MMAB: variants seen among roughly 807,000 people sequenced by gnomAD.
MMAB encodes corrinoid adenosyltransferase MMAB.
A neutral mutation model predicts 30.6 loss-of-function variants in MMAB; 17 were observed. That is an observed-to-expected ratio of 0.56 (90% CI 0.38 to 0.83). The LOEUF is 0.83. Among genes scored for constraint, MMAB ranks in the 40% least tolerant of loss-of-function variants. The pLI is 0.00. For missense variants in MMAB, 311 were observed against 331.6 expected, an observed-to-expected ratio of 0.94 and a Z score of 0.48; for synonymous variants, 134 against 138.6, an observed-to-expected ratio of 0.97 and a Z score of 0.23.
At chr12:109,564,423 G>C (rs1013207811) in intron 4 of MMAB, among the ~76,000 whole-genome samples, 2 of 141,180 alleles carry the variant, frequency 1.4e-5, no homozygotes, top group African/African-American at 5.3e-5. Context: ...CCACTCTGTT[G>C]CCCAGGCTAC....
At position 109,573,457 on chromosome 12, in the gene MMAB, G is replaced by C; in HGVS notation, c.24C>G (p.Ser8Arg). 1 of 1,606,504 alleles carries C rather than the reference G, an allele frequency of 6.2e-7. No individual in the cohort carries two copies. The highest frequency in any genetic ancestry group is 1.7e-4 in the Middle Eastern group (1 of 5,736). Residue 8 changes from serine (S) to arginine (R), a missense_variant, in exon 1 of 9, where the codon AGC becomes AGG. Transcript: ENST00000545712. Reference sequence around the variant, plus strand: ...CAAGACGGCTCCCCAGGCCAAGACGGCTCCCCAGGCCGCACACAGCCATGA... The same window carrying C: ...CAAGACGGCTCCCCAGGCCAAGACGCCTCCCCAGGCCGCACACAGCCATGA... MAVCGLG[S>R]RLGLGSRLGL...
At chr12:109,566,479 A>G (rs1278083388) in intron 3 of MMAB, among the ~76,000 whole-genome samples, 1 of 152,230 alleles carries the variant, frequency 6.6e-6, no homozygotes, top group East Asian at 1.9e-4. Flanking sequence ...GTCTGTCTCC[A>G]TCATAGCGGA....
In MMAB at chr12:109,553,908, G is replaced by A. The variant is rs145964376; in HGVS notation, c.*3120C>T. The A allele has an allele frequency of 1.4e-4, 64 of 454,046 alleles. No individual in the cohort carries two copies. The highest frequency in any genetic ancestry group is 1.1e-3 in the African/African-American group (56 of 50,100). 28.1% of individuals were successfully genotyped at this position (454,046 alleles called of 1,614,324 possible). A position where few individuals can be genotyped will look rare whatever the true frequency, so the allele number is the denominator to read the frequency against. On this transcript the variant is annotated 3_prime_UTR_variant, in exon 9 of 9. Transcript: ENST00000545712. ...TGACGGGGGCTTCCGAACTGGGGAC[G>A]TTTGTCATTGGGATGTGTTACAAGT...
In MMAB at chr12:109,556,648, T is replaced by TCTCTCACACACACACACACA. The variant is rs1555273916; in HGVS notation, c.*379_*380insTGTGTGTGTGTGTGTGAGAG. The TCTCTCACACACACACACACA allele has an allele frequency of 1.0e-4, 34 of 328,374 alleles. No homozygotes were observed. The highest frequency in any genetic ancestry group is 9.1e-4 in the African/African-American group (31 of 34,040). 20.3% of individuals were successfully genotyped at this position (328,374 alleles called of 1,614,324 possible). On this transcript the variant is annotated 3_prime_UTR_variant, in exon 9 of 9. Transcript: ENST00000545712. ...GAGCTGGCAGTGGGAGGGCTCTCTC[T>TCTCTCACACACACACACACA]CACACACACACACACACACACACAC...
intron 7 of MMAB, 110 bp downstream of exon 7, chr12:109,560,930 G>C: frequency 9.5e-7 from 1 of 1,056,398 alleles, no homozygotes. Context: ...CCGCTGTGCA[G>C]AGGCCCCTCT....
chr12:109,561,972 G>A lies in MMAB; in HGVS notation c.349-120C>T, dbSNP rs930740310. On this transcript the variant is annotated intron_variant, in intron 4 of 8. Coordinates refer to ENST00000545712, the MANE Select transcript of MMAB (RefSeq NM_052845.4). This position sits in a 1 kb window ranked among gnomAD's most constrained non-coding sequence, Gnocchi z 5.3. ...TGTGCCAGCTAGCTCATGAAGGGCT[G>A]TGATATGGTTTGGCAATGTGTCCCC... 1.2e-6 allele frequency: 1 copy of A among 851,800 alleles called. No homozygotes were observed. The highest frequency in any genetic ancestry group is 1.9e-6 in the Non-Finnish European group (1 of 523,132). 52.8% of individuals were successfully genotyped at this position (851,800 alleles called of 1,614,324 possible). A position where few individuals can be genotyped will look rare whatever the true frequency, so the allele number is the denominator to read the frequency against.
At chr12:109,559,261 T>C in intron 7 of MMAB, 106 bp from the exon 8 acceptor site, 2 of 863,070 alleles carry the variant, frequency 2.3e-6, no homozygotes, top group Non-Finnish European at 4.0e-6. Flanking sequence ...CCGCTCAACC[T>C]GAACCTGCAC....
chr12:109,568,974 GT>G, intron 2 of MMAB, 111 bp from the exon 3 acceptor site: 1 of 815,520 alleles, frequency 1.2e-6, no homozygotes, highest in South Asian at 1.5e-5. Flanking sequence ...TTTTTGAACA[GT>G]CACTCTGTCA....
intron 1 of MMAB, among the ~76,000 whole-genome samples, chr12:109,571,941 T>C (rs1884650224): frequency 1.3e-5 from 2 of 152,206 alleles, no homozygotes; most frequent in South Asian, 4.1e-4. Context: ...GCTGATGTAA[T>C]GCCTTGCTCA....
In MMAB at chr12:109,555,494, ATGTTGACCAGGC is replaced by A. The variant is rs1356284367; in HGVS notation, c.*1522_*1533del. 2.6e-6 allele frequency: 1 copy of A among 387,884 alleles called. No individual in the cohort carries two copies. Among genetic ancestry groups the A allele is most frequent in the African/African-American group, 2.5e-5 (1 of 40,326 alleles). The allele number at this position is 387,884 out of a possible 1,614,324, so 24.0% of individuals were successfully genotyped here. A position where few individuals can be genotyped will look rare whatever the true frequency, so the allele number is the denominator to read the frequency against. ...TTTTTAGCAGAAATGGGGTTTTACC[ATGTTGACCAGGC>A]TGGTCTCAAACTCCTGACCTCAGGT... is the stretch of plus-strand genomic sequence containing the variant. On this transcript the variant is annotated 3_prime_UTR_variant, in exon 9 of 9. Coordinates refer to ENST00000545712, the MANE Select transcript of MMAB (RefSeq NM_052845.4).
chr12:109,571,711 C>T lies in MMAB; in HGVS notation c.135-1G>A, dbSNP rs1566137903. Reference sequence around the variant, plus strand: ...GGGTGTCTTCGAGGAAGGCTGTGGCCTAATGAGAAATAAACATCAGTATCT... The same window carrying T: ...GGGTGTCTTCGAGGAAGGCTGTGGCTTAATGAGAAATAAACATCAGTATCT... On this transcript the variant is annotated splice_acceptor_variant, in intron 1 of 8. Coordinates refer to ENST00000545712, the MANE Select transcript of MMAB (RefSeq NM_052845.4). LOFTEE classifies it high-confidence loss of function. The T allele has an allele frequency of 6.2e-7, 1 of 1,613,830 alleles. No individual in the cohort carries two copies. Among genetic ancestry groups the T allele is most frequent in the Non-Finnish European group, 8.5e-7 (1 of 1,179,814 alleles).
At chr12:109,565,088 T>G (rs1319627472) in intron 4 of MMAB, 31 bp downstream of exon 4, 2 of 1,597,794 alleles carry the variant, frequency 1.3e-6, no homozygotes, top group Admixed American at 1.7e-5. Context: ...GGGCTGAAGA[T>G]TCCCAGCTTG....
intron 8 of MMAB, among the ~76,000 whole-genome samples, chr12:109,557,796 G>A (rs1362595555): frequency 6.6e-6 from 1 of 152,228 alleles, no homozygotes; most frequent in Admixed American, 6.5e-5. Context: ...GGTACCGGGT[G>A]AGAAGCACAG....
At chr12:109,560,972 T>TCCCCCCCC in intron 7 of MMAB, 68 bp downstream of exon 7, 1 of 464,390 alleles carries the variant, frequency 2.2e-6, no homozygotes. Context: ...CCTCTCCCTC[T>TCCCCCCCC]CCCTCCCCCC....
At chr12:109,570,964 A>T (rs985187734) in intron 2 of MMAB, among the ~76,000 whole-genome samples, 14 of 151,976 alleles carry the variant, frequency 9.2e-5, no homozygotes, top group African/African-American at 3.1e-4. Flanking sequence ...AAAAACTATT[A>T]AAGTAATATA....
intron 7 of MMAB, 59 bp downstream of exon 7, chr12:109,560,981 C>T (rs879344955): frequency 8.0e-6 from 6 of 749,562 alleles, no homozygotes; most frequent in East Asian, 6.5e-5. Context: ...CTCCCTCCCC[C>T]CTCCCCCTTG....
chr12:109,566,035 G>A (rs929805902), intron 3 of MMAB, among the ~76,000 whole-genome samples: 1 of 152,208 alleles, frequency 6.6e-6, no homozygotes, highest in Non-Finnish European at 1.5e-5. Context: ...AAATGCAGGA[G>A]CCTGAAGGGC....
At chr12:109,563,597 G>T (rs1290909875) in intron 4 of MMAB, among the ~76,000 whole-genome samples, 3 of 152,258 alleles carry the variant, frequency 2.0e-5, no homozygotes, top group Non-Finnish European at 4.4e-5. Context: ...CCCAGCTGGA[G>T]ATTAGGTGGC....
chr12:109,571,159 G>C (rs1418288452), intron 2 of MMAB, among the ~76,000 whole-genome samples: 2 of 151,872 alleles, frequency 1.3e-5, no homozygotes, highest in African/African-American at 4.8e-5. Context: ...TCAGGCTTTT[G>C]TCATTTAATA....
Sources: gnomAD v4.1 joint callset for allele counts (sites outside exome capture counted in the v4.1 genomes callset) on GRCh38, gnomAD v4.1.1 for gene constraint, Gnocchi (gnomAD v3.1) non-coding constraint, MANE v1.5 for transcripts, NCBI Gene and HGNC (gene_info 2026-07-23, HGNC 2026-07-21) for gene names.